Variants in PPIF observed in about 807,000 individuals in gnomAD.
PPIF encodes peptidyl-prolyl cis-trans isomerase F, mitochondrial.
Under a neutral mutation model 20.2 loss-of-function variants are expected in PPIF, and 23 were observed. That is an observed-to-expected ratio of 1.14 (90% CI 0.82 to 1.61). The LOEUF (loss-of-function observed/expected upper bound fraction) is 1.61, where lower values mean the gene tolerates loss of function less well. Ranked by LOEUF, PPIF falls within the 40% of genes most tolerant of loss-of-function variation. The pLI is 0.00. For missense variants in PPIF, 287 were observed against 291.6 expected (o/e 0.98, Z 0.11); for synonymous variants, 113 against 123.1 (o/e 0.92, Z 0.54).
At chr10:79,349,019 C>T (rs1855940264) in intron 1 of PPIF, 57 bp from the exon 2 acceptor site, 1 of 1,613,234 alleles carries the variant, frequency 6.2e-7, no homozygotes, top group East Asian at 2.2e-5. Flanking sequence ...GAGAGACACC[C>T]ACCTTCACCT....
intron 3 of PPIF, 134 bp downstream of exon 3, chr10:79,349,887 C>A: frequency 6.7e-7 from 1 of 1,493,518 alleles, no homozygotes; most frequent in Non-Finnish European, 9.0e-7. Context: ...GCCCTCCCTG[C>A]ATTAGCCCTG....
rs1300329895 is a variant in PPIF at position 79,351,508 on chromosome 10, A to G, written c.337A>G (p.Asn113Asp). The change falls in exon 4 of 6, where the codon AAT (asparagine) becomes GAT (aspartate). Residue 113 changes from asparagine to aspartate, a missense_variant. By Grantham distance (23) the Asn-to-Asp change is conservative (BLOSUM62 1). Transcript: ENST00000225174. ...MCQAGDFTNHNGTGGKSIYGS... is the reference protein window; with the variant it reads ...MCQAGDFTNHDGTGGKSIYGS... ...ACAGGCGGGCGACTTCACCAACCAC[A>G]ATGGCACAGGCGGGAAGTCCATCTA... is the stretch of plus-strand genomic sequence containing the variant. 12 of 1,614,022 alleles carry G rather than the reference A, an allele frequency of 7.4e-6. No homozygotes were observed. The highest frequency in any genetic ancestry group is 1.0e-5 in the Non-Finnish European group (12 of 1,179,974).
intron 1 of PPIF, among the ~76,000 whole-genome samples, chr10:79,348,509 T>A (rs1396095786): frequency 6.6e-6 from 1 of 152,194 alleles, no homozygotes; most frequent in East Asian, 1.9e-4. Context: ...TCTGTTTGTG[T>A]TGACTGGCCC....
intron 2 of PPIF, 28 bp downstream of exon 2, chr10:79,349,134 A>T: frequency 5.0e-6 from 8 of 1,613,752 alleles, no homozygotes; most frequent in Non-Finnish European, 6.8e-6. Flanking sequence ...GCCTTCTGAG[A>T]TGGGTCTAGA....
intron 1 of PPIF, 99 bp from the exon 2 acceptor site, chr10:79,348,977 C>T: frequency 6.2e-7 from 1 of 1,611,238 alleles, no homozygotes; most frequent in Middle Eastern, 1.7e-4. Context: ...CTTCCTTAGC[C>T]TCCTTGGCCA....
rs1856018033 is a variant in PPIF, at chr10:79,354,086, T to G, written c.*244T>G. 1 of 526,842 alleles carries G rather than the reference T, an allele frequency of 1.9e-6. No homozygotes were observed. Among genetic ancestry groups the G allele is most frequent in the South Asian group, 2.2e-5 (1 of 46,350 alleles). The allele number at this position is 526,842 out of a possible 1,614,324, so 32.6% of individuals were successfully genotyped here. A position where few individuals can be genotyped will look rare whatever the true frequency, so the allele number is the denominator to read the frequency against. On this transcript the variant is annotated 3_prime_UTR_variant, in exon 6 of 6. Coordinates refer to ENST00000225174, the MANE Select transcript of PPIF (RefSeq NM_005729.4). ...TTGTGGACATGATGTCACCCACCCC[T>G]TGTCAAGCATTGCCTGTGATTGCCC...
chr10:79,349,345 A>G (rs990533215), intron 2 of PPIF, among the ~76,000 whole-genome samples: 2 of 152,210 alleles, frequency 1.3e-5, no homozygotes, highest in East Asian at 1.9e-4. Context: ...TGGAAGGCAC[A>G]TGTAAATTTC....
At chr10:79,351,667 G>A in intron 4 of PPIF, 84 bp downstream of exon 4, 3 of 1,251,424 alleles carry the variant, frequency 2.4e-6, no homozygotes, top group Non-Finnish European at 2.3e-6. Flanking sequence ...GAGGCCACAT[G>A]CAGTCACCGT....
chr10:79,349,037 C>T, intron 1 of PPIF, 39 bp from the exon 2 acceptor site: 2 of 1,613,756 alleles, frequency 1.2e-6, no homozygotes, highest in Non-Finnish European at 1.7e-6. Flanking sequence ...CCTGCCTCTC[C>T]AATGACCATC....
At position 79,351,590 on chromosome 10, in the gene PPIF, G is replaced by T; in HGVS notation, c.412+7G>T. The T allele has an allele frequency of 6.2e-7, 1 of 1,612,604 alleles. No homozygotes were observed. The highest frequency in any genetic ancestry group is 8.5e-7 in the Non-Finnish European group (1 of 1,178,660). ...CTGAAGCACGTGGGGCCAGGTGAGT[G>T]GGGGCCTCCTCTAGGGTGAGTGTCC... On this transcript the variant is annotated splice_region_variant and intron_variant, in intron 4 of 5. Coordinates refer to ENST00000225174, the MANE Select transcript of PPIF (RefSeq NM_005729.4).
Position 79,354,751 on chromosome 10 carries a change from G to A in PPIF, c.*909G>A, listed in dbSNP as rs74142396. ...CCTGGTTTCTGGAAGAGGGGTCTGT[G>A]ACTTGGAGCTGATCTTTACTGAGCT... is the stretch of plus-strand genomic sequence containing the variant. On this transcript the variant is annotated 3_prime_UTR_variant, in exon 6 of 6. Transcript: ENST00000225174. 0.063 allele frequency: 9,563 copies of A among 152,784 alleles called. 849 individuals carry two copies. The highest frequency in any genetic ancestry group is 0.2 in the African/African-American group (8,256 of 41,504). 9.5% of individuals were successfully genotyped at this position (152,784 alleles called of 1,614,324 possible).
intron 2 of PPIF, 67 bp from the exon 3 acceptor site, chr10:79,349,598 C>T: frequency 6.3e-7 from 1 of 1,597,886 alleles, no homozygotes; most frequent in South Asian, 1.1e-5. Context: ...GGGATTTTGG[C>T]TGGAACGGGT....
Position 79,353,777 on chromosome 10 carries a change from T to C in PPIF, c.559T>C (p.Phe187Leu), listed in dbSNP as rs1856013143. 6.2e-7 allele frequency: 1 copy of C among 1,614,246 alleles called. No individual in the cohort carries two copies. The highest frequency in any genetic ancestry group is 2.2e-5 in the East Asian group (1 of 44,890). Reference sequence around the variant, plus strand: ...GGACGTCGTGAAGAAAATAGAATCTTTCGGCTCTAAGAGTGGGAGGACATC... The same window carrying C: ...GGACGTCGTGAAGAAAATAGAATCTCTCGGCTCTAAGAGTGGGAGGACATC... ...GMDVVKKIES[F>L]GSKSGRTSKK... Residue 187 changes from phenylalanine (F) to leucine (L), a missense_variant, in exon 6 of 6, where the codon TTC (phenylalanine) becomes CTC (leucine). Transcript: ENST00000225174.
intron 1 of PPIF, among the ~76,000 whole-genome samples, chr10:79,348,131 C>T (rs1420251411): frequency 1.3e-5 from 2 of 151,430 alleles, no homozygotes; most frequent in African/African-American, 4.8e-5. Context: ...AGCGGGTGCT[C>T]ACGTGGCGGC....
Position 79,352,509 on chromosome 10 carries a change from C to G in PPIF, c.488+117C>G, listed in dbSNP as rs983153049. The G allele has an allele frequency of 1.4e-5, 14 of 1,020,912 alleles. No individual in the cohort carries two copies. The African/African-American group carries it at 2.2e-4, about 16-fold the overall frequency. The allele number at this position is 1,020,912 out of a possible 1,614,324, so 63.2% of individuals were successfully genotyped here. ...CAGGCCTTCTGCTCTGGGACAGTGG[C>G]CCTCTCCCAGGCTGTGTGTTTGTAT... On this transcript the variant is annotated intron_variant, in intron 5 of 5. Coordinates refer to ENST00000225174, the MANE Select transcript of PPIF (RefSeq NM_005729.4).
chr10:79,349,569 C>G, intron 2 of PPIF, 96 bp from the exon 3 acceptor site: 1 of 1,558,280 alleles, frequency 6.4e-7, no homozygotes, highest in Non-Finnish European at 8.7e-7. Context: ...TCCCCCTGTT[C>G]ACTGCTGGGG....
intron 1 of PPIF, 133 bp from the exon 2 acceptor site, chr10:79,348,943 T>A: frequency 6.3e-7 from 1 of 1,594,482 alleles, no homozygotes; most frequent in Non-Finnish European, 8.6e-7. Flanking sequence ...TTGGCAATAA[T>A]GGGAATGGAA....
chr10:79,353,931 C>A lies in PPIF; in HGVS notation c.*89C>A. 1 of 1,396,630 alleles carries A rather than the reference C, an allele frequency of 7.2e-7. No individual in the cohort carries two copies. Among genetic ancestry groups the A allele is most frequent in the Non-Finnish European group, 9.9e-7 (1 of 1,012,032 alleles). 86.5% of individuals were successfully genotyped at this position (1,396,630 alleles called of 1,614,324 possible). A position where few individuals can be genotyped will look rare whatever the true frequency, so the allele number is the denominator to read the frequency against. Reference sequence around the variant, plus strand: ...GGGCTGTCAGCCAAGGTGCCTGAAACGATACGTGTGCCCACTCCACTGTCA... The same window carrying A: ...GGGCTGTCAGCCAAGGTGCCTGAAAAGATACGTGTGCCCACTCCACTGTCA... On this transcript the variant is annotated 3_prime_UTR_variant, in exon 6 of 6. Coordinates refer to ENST00000225174, the MANE Select transcript of PPIF (RefSeq NM_005729.4).
Position 79,353,758 on chromosome 10 carries a change from C to A in PPIF, c.540C>A (p.Val180=), listed in dbSNP as rs140144301. The A allele has an allele frequency of 6.2e-7, 1 of 1,614,194 alleles. No homozygotes were observed. Among genetic ancestry groups the A allele is most frequent in the African/African-American group, 1.3e-5 (1 of 75,030 alleles). ...GTCACGTCAAAGAGGGCATGGACGT[C>A]GTGAAGAAAATAGAATCTTTCGGCT... is the stretch of plus-strand genomic sequence containing the variant. ...VFGHVKEGMD[V]VKKIESFGSK... Residue 180 remains valine, a synonymous_variant, in exon 6 of 6, where the codon GTC becomes GTA. Transcript: ENST00000225174.
Sources: gnomAD v4.1 joint callset for allele counts (sites outside exome capture counted in the v4.1 genomes callset) on GRCh38, gnomAD v4.1.1 for gene constraint, MANE v1.5 for transcripts, NCBI Gene and HGNC (gene_info 2026-07-23, HGNC 2026-07-21) for gene names.